PABPC1L: variants seen among roughly 807,000 people sequenced by gnomAD.
The protein encoded by PABPC1L is polyadenylate-binding protein 1-like.
In PABPC1L, 31 loss-of-function variants were observed where a neutral mutation model predicts 66.6. The ratio of observed to expected loss-of-function variants is 0.47; its 90% CI spans 0.35 to 0.63. The LOEUF is 0.63. PABPC1L is among the 20% of genes least tolerant of loss of function. The pLI, the probability that PABPC1L is intolerant of heterozygous loss-of-function variation, is 0.00. For synonymous variants in PABPC1L, 348 were observed against 335.1 expected (o/e 1.04, Z -0.42); for missense variants, 722 against 848.8 (o/e 0.85, Z 1.86).
intron 7 of PABPC1L, among the ~76,000 whole-genome samples, chr20:44,928,189 A>T (rs73296561): frequency 0.018 from 2,678 of 151,900 alleles, 86 homozygotes; most frequent in African/African-American, 0.061. Flanking sequence ...TTCTGCCTCA[A>T]CCTCCTGGGA....
intron 7 of PABPC1L, among the ~76,000 whole-genome samples, chr20:44,927,778 A>C (rs1392589049): frequency 6.6e-6 from 1 of 151,698 alleles, no homozygotes; most frequent in East Asian, 1.9e-4. Flanking sequence ...GCAGCCTCCA[A>C]CTCCTGGCCT....
At chr20:44,920,976 C>A (rs1370280493) in intron 5 of PABPC1L, among the ~76,000 whole-genome samples, 2 of 149,610 alleles carry the variant, frequency 1.3e-5, no homozygotes, top group Non-Finnish European at 3.0e-5. Context: ...CCATGCCTGG[C>A]TAATTTTTGT....
rs748731533 is a variant in PABPC1L, at chr20:44,921,649, G to C, written c.794G>C (p.Arg265Pro). 2 of 1,613,958 alleles carry C rather than the reference G, an allele frequency of 1.2e-6. No homozygotes were observed. Among genetic ancestry groups the C allele is most frequent in the Admixed American group, 3.3e-5 (2 of 59,958 alleles). Residue 265 changes from arginine to proline, a missense_variant, in exon 6 of 15, where the codon CGG (arginine) becomes CCG (proline). This residue lies in a region of PABPC1L where 137 missense variants were observed against 216.8 expected (regional missense o/e 0.63). Coordinates refer to ENST00000217073, the MANE Select transcript of PABPC1L (RefSeq NM_001372179.1). ...EVSGRLLYAG[R>P]AQKRVERQNE... ...AGCGGGCGGCTGCTGTACGCGGGCC[G>C]GGCCCAAAAGCGCGTGGAGCGGCAG...
At chr20:44,923,644 T>C (rs2066789113) in intron 6 of PABPC1L, among the ~76,000 whole-genome samples, 1 of 151,424 alleles carries the variant, frequency 6.6e-6, no homozygotes, top group Non-Finnish European at 1.5e-5. Flanking sequence ...AAAAAAAGTC[T>C]TAAAAAAAAA....
intron 6 of PABPC1L, among the ~76,000 whole-genome samples, chr20:44,922,533 G>C (rs1234235865): frequency 1.3e-5 from 2 of 152,114 alleles, no homozygotes; most frequent in African/African-American, 4.8e-5. Context: ...ACTGCGCCTG[G>C]CCTCATTTTT....
Position 44,910,195 on chromosome 20 carries a change from C to A in PABPC1L, c.52C>A (p.Leu18Met). The change falls in exon 1 of 15, where the codon CTG (leucine) becomes ATG (methionine). Residue 18 changes from leucine to methionine, a missense_variant. Physicochemically the swap from Leu to Met is conservative, Grantham distance 15. Around this residue, in one of 3 missense-constraint regions of PABPC1L, gnomAD observed 284 missense variants for 294.8 expected, o/e 0.96. Transcript: ENST00000217073. ...GCTTGCCTCGCTTTACGTGGGCGAT[C>A]TGCACCCCGACGTGACCGAGGCCAT... ...YPLASLYVGDLHPDVTEAMLY... is the reference protein window; with the variant it reads ...YPLASLYVGDMHPDVTEAMLY... The A allele has an allele frequency of 6.3e-7, 1 of 1,581,684 alleles. No homozygotes were observed. Among genetic ancestry groups the A allele is most frequent in the South Asian group, 1.2e-5 (1 of 86,724 alleles).
chr20:44,933,436 A>G (rs1249351534), intron 10 of PABPC1L, among the ~76,000 whole-genome samples: 1 of 151,790 alleles, frequency 6.6e-6, no homozygotes. Flanking sequence ...TATTGTAGAG[A>G]ATTTAAATGT....
At position 44,933,257 on chromosome 20, in the gene PABPC1L, T is replaced by C. The variant is rs2066876185; in HGVS notation, c.1459+72T>C. On this transcript the variant is annotated intron_variant, in intron 10 of 14. Coordinates refer to ENST00000217073, the MANE Select transcript of PABPC1L (RefSeq NM_001372179.1). ...CACTAGGAGTCAGGACCAGCCTCCATGGTGACCTTGCCATATGCCCTCTCG... is the reference window on the plus strand; with the variant it reads ...CACTAGGAGTCAGGACCAGCCTCCACGGTGACCTTGCCATATGCCCTCTCG... 17 of 1,282,372 alleles carry C rather than the reference T, an allele frequency of 1.3e-5. No individual in the cohort carries two copies. In the Admixed American group the frequency reaches 3.2e-4, roughly 24 times the overall value. The allele number at this position is 1,282,372 out of a possible 1,614,324, so 79.4% of individuals were successfully genotyped here.
At position 44,938,750 on chromosome 20, in the gene PABPC1L, T is replaced by G; in HGVS notation, c.*6+2T>G. On this transcript the variant is annotated splice_donor_variant, in intron 14 of 14. Coordinates refer to ENST00000217073, the MANE Select transcript of PABPC1L (RefSeq NM_001372179.1). LOFTEE classifies it low-confidence loss of function (3UTR_SPLICE). ...AAGGCGTACATGCACTGAAACCAGG[T>G]GGGTGGAATGGTGACAGAAGCAGCT... 1 of 1,608,826 alleles carries G rather than the reference T, an allele frequency of 6.2e-7. No homozygotes were observed. Among genetic ancestry groups the G allele is most frequent in the East Asian group, 2.2e-5 (1 of 44,758 alleles).
At chr20:44,936,196 C>T (rs2066899476) in intron 11 of PABPC1L, among the ~76,000 whole-genome samples, 2 of 152,090 alleles carry the variant, frequency 1.3e-5, no homozygotes. Context: ...AACTCCTGGC[C>T]TCAAGCGATC....
chr20:44,924,004 G>A (rs1431371288), intron 6 of PABPC1L, among the ~76,000 whole-genome samples, 157 bp from the exon 7 acceptor site: 1 of 152,178 alleles, frequency 6.6e-6, no homozygotes, highest in Non-Finnish European at 1.5e-5. Flanking sequence ...GCACGCTGAG[G>A]GATGGGGGTA....
chr20:44,935,425 G>A lies in PABPC1L; in HGVS notation c.1494G>A (p.Gly498=), dbSNP rs768279623. 56 of 1,614,016 alleles carry A rather than the reference G, an allele frequency of 3.5e-5. No individual in the cohort carries two copies. The Admixed American group carries it at 7.0e-4, about 20-fold the overall frequency. The change falls in exon 11 of 15, where the codon GGG becomes GGA. Residue 498 remains glycine (G), a synonymous_variant. Transcript: ENST00000217073. ...NIGTQTTGPS[G]VGCCTPGRPL... ...GTACTCAGACCACAGGACCCAGTGG[G>A]GTAGGATGCTGTACACCAGGCCGGC... is the stretch of plus-strand genomic sequence containing the variant.
intron 3 of PABPC1L, among the ~76,000 whole-genome samples, chr20:44,918,685 C>T (rs2066752558): frequency 6.6e-6 from 1 of 152,228 alleles, no homozygotes; most frequent in Non-Finnish European, 1.5e-5. Context: ...ATGAAATCTT[C>T]TTAACCTTCT....
Position 44,935,431 on chromosome 20 carries a change from A to G in PABPC1L, c.1500A>G (p.Gly500=), listed in dbSNP as rs780707664. ...GTQTTGPSGV[G]CCTPGRPLLP... is the part of the protein sequence containing the mutation. ...AGACCACAGGACCCAGTGGGGTAGGATGCTGTACACCAGGCCGGCCGCTCC... is the reference window on the plus strand; with the variant it reads ...AGACCACAGGACCCAGTGGGGTAGGGTGCTGTACACCAGGCCGGCCGCTCC... The change falls in exon 11 of 15, where the codon GGA becomes GGG. Residue 500 remains glycine (G), a synonymous_variant. Transcript: ENST00000217073. 54 of 1,614,026 alleles carry G rather than the reference A, an allele frequency of 3.3e-5. 1 individual carries two copies. In the Admixed American group the frequency reaches 9.0e-4, roughly 27 times the overall value.
intron 3 of PABPC1L, 86 bp downstream of exon 3, chr20:44,916,957 C>T: frequency 7.6e-7 from 1 of 1,309,606 alleles, no homozygotes; most frequent in Non-Finnish European, 1.1e-6. Context: ...TACCCTCAAG[C>T]TGCTAATGGG....
Position 44,910,066 on chromosome 20 carries a change from G to C in PABPC1L, c.-78G>C. ...GGGCGGGCCCGCGCCCAGGAAGGAG[G>C]GCTTCCGCCCGGGTGAGCGCGGGGC... On this transcript the variant is annotated 5_prime_UTR_variant, in exon 1 of 15. Transcript: ENST00000217073. The C allele has an allele frequency of 7.7e-7, 1 of 1,295,374 alleles. No individual in the cohort carries two copies. The highest frequency in any genetic ancestry group is 1.0e-6 in the Non-Finnish European group (1 of 957,032). The allele number at this position is 1,295,374 out of a possible 1,614,324, so 80.2% of individuals were successfully genotyped here.
In PABPC1L at chr20:44,924,162, G is replaced by A. The variant is rs767797384; in HGVS notation, c.878G>A (p.Gly293Asp). The A allele has an allele frequency of 6.2e-7, 1 of 1,612,632 alleles. No homozygotes were observed. The highest frequency in any genetic ancestry group is 1.3e-5 in the African/African-American group (1 of 74,992). ...CCAGCAGTTTCCCTTCCATCCCAGG[G>A]TGTGAACTTGTATGTGAAGAATCTG... ...MKQDRLRRYQ[G>D]VNLYVKNLDD... The change falls in exon 7 of 15, where the codon GGT (glycine) becomes GAT (aspartate). Residue 293 changes from glycine to aspartate, a missense_variant and splice_region_variant. Physicochemically the swap from Gly to Asp is moderately conservative, Grantham distance 94. Around this residue, in one of 3 missense-constraint regions of PABPC1L, gnomAD observed 137 missense variants for 216.8 expected, o/e 0.63. Transcript: ENST00000217073.
chr20:44,910,417 G>A (rs2066696196), intron 1 of PABPC1L, 81 bp downstream of exon 1: 6 of 1,391,104 alleles, frequency 4.3e-6, no homozygotes, highest in African/African-American at 1.5e-5. Context: ...TGGGCCGCTT[G>A]CGCTTTCATC....
intron 9 of PABPC1L, 166 bp downstream of exon 9, chr20:44,932,598 G>T: frequency 1.7e-6 from 1 of 589,768 alleles, no homozygotes; most frequent in Non-Finnish European, 3.0e-6. Flanking sequence ...AATGAGACGT[G>T]TGTAAAGTAC....
Sources: gnomAD v4.1 joint callset for allele counts (sites outside exome capture counted in the v4.1 genomes callset) on GRCh38, gnomAD v4.1.1 for gene constraint, gnomAD v4.1.1 regional missense constraint, MANE v1.5 for transcripts, NCBI Gene and HGNC (gene_info 2026-07-23, HGNC 2026-07-21) for gene names.